The following TSPAN1 variants were observed in gnomAD, a reference collection of about 807,000 sequenced individuals.
TSPAN1 encodes tetraspanin-1.
TSPAN1 carries 23 observed loss-of-function variants against 26.9 expected under a neutral mutation model. The observed-to-expected ratio is 0.85, with a 90% CI of 0.62 to 1.21. The LOEUF (loss-of-function observed/expected upper bound fraction) is 1.21. Ranked by LOEUF, TSPAN1 falls within the 50% of genes most tolerant of loss-of-function variation. The pLI, the probability that TSPAN1 is intolerant of heterozygous loss-of-function variation, is 0.00. For missense variants in TSPAN1, 283 were observed against 298.4 expected (o/e 0.95, Z 0.38); for synonymous variants, 115 against 114.8 (o/e 1.00, Z -0.01).
the TSPAN1 span, chr1:46,193,594 C>T: frequency 6.2e-7 from 1 of 1,614,204 alleles, no homozygotes; most frequent in South Asian, 1.1e-5. Flanking sequence ...AAACTGTTAT[C>T]ATCTGAGGAG....
Position 46,184,798 on chromosome 1 carries a change from T to C in TSPAN1, c.353T>C (p.Leu118Pro). The change falls in exon 6 of 9, where the codon CTG (leucine) becomes CCG (proline). Residue 118 changes from leucine to proline, a missense_variant. Physicochemically the swap from Leu to Pro is moderately conservative, Grantham distance 98. Transcript: ENST00000372003. Reference protein sequence around the residue: ...LVYTTMAEHFLTLLVVPAIKK... With the variant: ...LVYTTMAEHFPTLLVVPAIKK... ...TGCCTCACCCAGGCTGAGCACTTCCTGACGTTGCTGGTAGTGCCTGCCATC... is the reference window on the plus strand; with the variant it reads ...TGCCTCACCCAGGCTGAGCACTTCCCGACGTTGCTGGTAGTGCCTGCCATC... 6.2e-7 allele frequency: 1 copy of C among 1,614,202 alleles called. No homozygotes were observed.
At position 46,184,593 on chromosome 1, in the gene TSPAN1, G is replaced by A. The variant is rs1557665719; in HGVS notation, c.265-1G>A. 6.2e-7 allele frequency: 1 copy of A among 1,614,172 alleles called. No homozygotes were observed. Among genetic ancestry groups the A allele is most frequent in the Non-Finnish European group, 8.5e-7 (1 of 1,180,034 alleles). ...AACCCAGACCCCTGTTCCCCACTCA[G>A]TTCTTCTTCATCCTCCTCCTCATCT... On this transcript the variant is annotated splice_acceptor_variant, in intron 4 of 8. Transcript: ENST00000372003. LOFTEE classifies it high-confidence loss of function.
Position 46,185,616 on chromosome 1 carries a change from G to C in TSPAN1, c.*83G>C. The C allele has an allele frequency of 6.7e-7, 1 of 1,492,096 alleles. No homozygotes were observed. The highest frequency in any genetic ancestry group is 9.3e-7 in the Non-Finnish European group (1 of 1,077,080). 92.4% of individuals were successfully genotyped at this position (1,492,096 alleles called of 1,614,324 possible). ...GGCAAGCAGCAGTGATTGGGGGAGG[G>C]GACAGGATCTAACAATGTCACTTGG... On this transcript the variant is annotated 3_prime_UTR_variant, in exon 9 of 9. Coordinates refer to ENST00000372003, the MANE Select transcript of TSPAN1 (RefSeq NM_005727.4).
chr1:46,192,712 C>A, the TSPAN1 span: 1 of 1,597,784 alleles, frequency 6.3e-7, no homozygotes, highest in South Asian at 1.1e-5. Flanking sequence ...CTCCTTCCCC[C>A]AAATCCCCAC....
Position 46,184,186 on chromosome 1 carries a change from C to T in TSPAN1, c.58-5C>T, listed in dbSNP as rs200085222. 13 of 1,614,112 alleles carry T rather than the reference C, an allele frequency of 8.1e-6. No individual in the cohort carries two copies. In the Admixed American group the frequency reaches 8.3e-5, roughly 10 times the overall value. On this transcript the variant is annotated splice_region_variant and splice_polypyrimidine_tract_variant and intron_variant, in intron 3 of 8. Transcript: ENST00000372003. ...TTAAGGCCTGCCTGACCTCTCTCTC[C>T]CCAGCTGTGTGGTGCAGCCCTGTTG...
the TSPAN1 span, chr1:46,195,775 G>T: frequency 6.5e-7 from 1 of 1,542,446 alleles, no homozygotes; most frequent in East Asian, 2.4e-5. Context: ...GTTGGAGCTA[G>T]GGAGTAGGGG....
chr1:46,192,677 C>G, the TSPAN1 span: 1 of 1,601,392 alleles, frequency 6.2e-7, no homozygotes, highest in Non-Finnish European at 8.5e-7. Context: ...AGCTGGGTCT[C>G]AGGAGCACCT....
intron 1 of TSPAN1, among the ~76,000 whole-genome samples, chr1:46,179,200 G>A (rs1252224023): frequency 6.6e-6 from 1 of 151,620 alleles, no homozygotes; most frequent in Non-Finnish European, 1.5e-5. Flanking sequence ...AATACCTGTG[G>A]TCCCAGCTAC....
chr1:46,185,091 A>G lies in TSPAN1; in HGVS notation c.570A>G (p.Gln190=), dbSNP rs201547396. The part of the protein sequence containing the change: ...TNTANETCTK[Q]KAHDQKVEGC... ...CAGCCAATGAAACCTGCACCAAGCA[A>G]AAGGCTCACGACCAAAAAGTAGAGG... The change falls in exon 7 of 9, where the codon CAA becomes CAG. Residue 190 remains glutamine, a synonymous_variant. Transcript: ENST00000372003. 9.3e-6 allele frequency: 15 copies of G among 1,614,210 alleles called. No individual in the cohort carries two copies. The African/African-American group carries it at 1.6e-4, about 17-fold the overall frequency.
chr1:46,182,900 C>G (rs1030729616), intron 3 of TSPAN1, among the ~76,000 whole-genome samples: 1 of 152,100 alleles, frequency 6.6e-6, no homozygotes, highest in Non-Finnish European at 1.5e-5. Flanking sequence ...CGTCAACCTC[C>G]TGGGCTCAAG....
chr1:46,191,888 C>T, the TSPAN1 span: 6 of 644,488 alleles, frequency 9.3e-6, no homozygotes, highest in South Asian at 7.1e-5. Flanking sequence ...CCCGCATCGG[C>T]CTCCCAAAGT....
the TSPAN1 span, chr1:46,193,957 TA>T: frequency 6.2e-7 from 1 of 1,612,480 alleles, no homozygotes; most frequent in Non-Finnish European, 8.5e-7. Flanking sequence ...GCTCTTGCCT[TA>T]TTCCCCCTTC....
chr1:46,175,806 A>G (rs1043200754), intron 1 of TSPAN1: 5 of 425,314 alleles, frequency 1.2e-5, no homozygotes, highest in African/African-American at 2.1e-5. Flanking sequence ...TAGGGGTGCT[A>G]TTTCACAGAG....
chr1:46,180,876 A>G (rs1657299951), intron 2 of TSPAN1, among the ~76,000 whole-genome samples: 1 of 151,994 alleles, frequency 6.6e-6, no homozygotes, highest in Non-Finnish European at 1.5e-5. Context: ...TTAGGATCTC[A>G]GAGTGTCAGG....
downstream of TSPAN1, chr1:46,189,606 G>A: frequency 6.3e-7 from 1 of 1,583,908 alleles, no homozygotes; most frequent in Non-Finnish European, 8.6e-7. Flanking sequence ...ATGGGTCAGA[G>A]AGCTGTAGGG....
intron 1 of TSPAN1, among the ~76,000 whole-genome samples, chr1:46,180,064 G>A (rs1011516964): frequency 6.6e-6 from 1 of 152,140 alleles, no homozygotes; most frequent in African/African-American, 2.4e-5. Flanking sequence ...TAGTTGCTGG[G>A]AGTCAGTCCA....
chr1:46,189,404 AT>A, downstream of TSPAN1: 1 of 1,613,980 alleles, frequency 6.2e-7, no homozygotes, highest in Admixed American at 1.7e-5. Context: ...CATTAGCTAT[AT>A]CCCTGGATCT....
intron 1 of TSPAN1, among the ~76,000 whole-genome samples, chr1:46,179,549 G>A (rs897270577): frequency 6.6e-6 from 1 of 152,158 alleles, no homozygotes; most frequent in African/African-American, 2.4e-5. Context: ...AAGCGACAGA[G>A]CCAGGATTCC....
downstream of TSPAN1, chr1:46,189,807 T>A (rs201277496): frequency 1.2e-6 from 2 of 1,611,758 alleles, no homozygotes; most frequent in Non-Finnish European, 1.7e-6. Flanking sequence ...GGGCAGTATG[T>A]GTGTGAGGGG....
Sources: gnomAD v4.1 joint callset for allele counts (sites outside exome capture counted in the v4.1 genomes callset) on GRCh38, gnomAD v4.1.1 for gene constraint, MANE v1.5 for transcripts, NCBI Gene and HGNC (gene_info 2026-07-23, HGNC 2026-07-21) for gene names.